The following IL36B variants were observed in gnomAD, a reference collection of about 807,000 sequenced individuals.
IL36B encodes interleukin 36 beta.
A neutral mutation model predicts 19.3 loss-of-function variants in IL36B; 23 were observed. The observed-to-expected ratio is 1.19, with a 90% CI of 0.86 to 1.69. The LOEUF (loss-of-function observed/expected upper bound fraction) is 1.69, where lower values mean the gene tolerates loss of function less well. Among genes scored for constraint, IL36B ranks in the 40% most tolerant of loss-of-function variants. The probability of loss-of-function intolerance (pLI) is 0.00; values close to 1 mark genes in which losing one functional copy is unlikely to be tolerated. For missense variants in IL36B, 217 were observed against 200.5 expected (o/e 1.08, Z -0.50); for synonymous variants, 59 against 59.7 (o/e 0.99, Z 0.05).
At position 113,029,041 on chromosome 2, in the gene IL36B, G is replaced by A; in HGVS notation, c.159C>T (p.Phe53=). 6.2e-7 allele frequency: 1 copy of A among 1,613,680 alleles called. No homozygotes were observed. Among genetic ancestry groups the A allele is most frequent in the Middle Eastern group, 1.7e-4 (1 of 6,060 alleles). The change falls in exon 4 of 6, where the codon TTC becomes TTT. Residue 53 remains phenylalanine (F), a synonymous_variant. Transcript: ENST00000259213. ...CCATATTACCCTTTTCCTTGTCACTGAATTCTGTGTCTCTACAGGCTATTA... is the reference window on the plus strand; with the variant it reads ...CCATATTACCCTTTTCCTTGTCACTAAATTCTGTGTCTCTACAGGCTATTA...
In IL36B at chr2:113,046,935, G is replaced by A. The variant is rs142492170; in HGVS notation, c.-58+5882C>T. ...CCCACACTTAGAGCCTGAAGGTTATGTTGTAATTTCTTGAGAGTTGGATAG... is the reference window on the plus strand; with the variant it reads ...CCCACACTTAGAGCCTGAAGGTTATATTGTAATTTCTTGAGAGTTGGATAG... On this transcript the variant is annotated intron_variant, in intron 1 of 5. Transcript: ENST00000259213. 5.2e-3 allele frequency among the ~76,000 whole-genome samples: 799 copies of A among 152,296 alleles called. 9 individuals carry two copies. Among genetic ancestry groups the A allele is most frequent in the Non-Finnish European group, 8.4e-3 (569 of 68,024 alleles).
chr2:113,042,601 T>G (rs1685279400), intron 1 of IL36B, among the ~76,000 whole-genome samples: 1 of 152,242 alleles, frequency 6.6e-6, no homozygotes, highest in Non-Finnish European at 1.5e-5. Flanking sequence ...ATAATTGATT[T>G]TGTCTGGCTT....
At chr2:113,038,388 G>T (rs1329586968) in intron 1 of IL36B, among the ~76,000 whole-genome samples, 1 of 152,224 alleles carries the variant, frequency 6.6e-6, no homozygotes, top group Non-Finnish European at 1.5e-5. Context: ...TTTCTGTGAA[G>T]ATAGATGAGC....
intron 4 of IL36B, among the ~76,000 whole-genome samples, chr2:113,028,715 G>A (rs1484525006): frequency 1.3e-5 from 2 of 152,166 alleles, no homozygotes; most frequent in Non-Finnish European, 2.9e-5. Context: ...ATTCCTGTAA[G>A]TGTATTTTCT....
intron 3 of IL36B, among the ~76,000 whole-genome samples, chr2:113,030,386 A>C (rs34322254): frequency 0.051 from 7,757 of 152,252 alleles, 661 homozygotes; most frequent in African/African-American, 0.18. Context: ...GGGGAGTAGG[A>C]AGAGTAATCC....
intron 1 of IL36B, among the ~76,000 whole-genome samples, chr2:113,041,175 A>G (rs2105052795): frequency 6.6e-6 from 1 of 152,036 alleles, no homozygotes; most frequent in Non-Finnish European, 1.5e-5. Context: ...AAAAAGGAAG[A>G]AGAAAGGAAA....
chr2:113,029,908 G>C (rs34098499), intron 3 of IL36B, among the ~76,000 whole-genome samples: 3 of 152,162 alleles, frequency 2.0e-5, no homozygotes, highest in Non-Finnish European at 4.4e-5. Context: ...AGAGGAGCCA[G>C]CAAACCTCAT....
intron 2 of IL36B, 118 bp downstream of exon 2, chr2:113,031,579 G>C: frequency 1.1e-6 from 1 of 896,198 alleles, no homozygotes; most frequent in African/African-American, 1.7e-5. Context: ...GGAACTGAGT[G>C]TTTTAGCAAG....
intron 1 of IL36B, among the ~76,000 whole-genome samples, chr2:113,045,767 A>G (rs929262979): frequency 6.6e-6 from 1 of 152,226 alleles, no homozygotes; most frequent in African/African-American, 2.4e-5. Flanking sequence ...TGTATATTTC[A>G]TTCCAGACAT....
chr2:113,033,798 A>G (rs1304032230), intron 1 of IL36B, among the ~76,000 whole-genome samples: 1 of 152,176 alleles, frequency 6.6e-6, no homozygotes, highest in African/African-American at 2.4e-5. Context: ...AGAGGAGAGG[A>G]GAGAACTTGG....
intron 5 of IL36B, among the ~76,000 whole-genome samples, chr2:113,024,512 T>C (rs539576926): frequency 1.3e-5 from 2 of 152,320 alleles, no homozygotes; most frequent in South Asian, 4.1e-4. Context: ...TGTCATCCCG[T>C]GCCTTCTCCT....
At chr2:113,024,511 G>C in intron 5 of IL36B, among the ~76,000 whole-genome samples, 1 of 152,248 alleles carries the variant, frequency 6.6e-6, no homozygotes, top group Non-Finnish European at 1.5e-5. Context: ...CTGTCATCCC[G>C]TGCCTTCTCC....
At chr2:113,040,255 T>G (rs935374858) in intron 1 of IL36B, among the ~76,000 whole-genome samples, 1 of 152,176 alleles carries the variant, frequency 6.6e-6, no homozygotes, top group Non-Finnish European at 1.5e-5. Context: ...AGAAGAAAAC[T>G]TCAACATGTT....
chr2:113,031,506 C>G (rs1326700146), intron 2 of IL36B, among the ~76,000 whole-genome samples, 191 bp downstream of exon 2: 1 of 152,066 alleles, frequency 6.6e-6, no homozygotes, highest in Non-Finnish European at 1.5e-5. Flanking sequence ...AATAAACAAG[C>G]AATTCTAAAT....
chr2:113,032,004 C>T (rs1296302169), intron 1 of IL36B, among the ~76,000 whole-genome samples: 1 of 152,056 alleles, frequency 6.6e-6, no homozygotes, highest in Non-Finnish European at 1.5e-5. Flanking sequence ...CTGTGATGGT[C>T]TTGGTATGCT....
chr2:113,037,620 A>G (rs4848312), intron 1 of IL36B, among the ~76,000 whole-genome samples: 118,411 of 151,242 alleles, frequency 0.78, 47,236 homozygotes, highest in East Asian at 0.94. Flanking sequence ...CTGCACTCCA[A>G]CCTGGGCAAC....
chr2:113,023,392 G>T (rs1363751078), intron 5 of IL36B, among the ~76,000 whole-genome samples: 1 of 152,194 alleles, frequency 6.6e-6, no homozygotes, highest in African/African-American at 2.4e-5. Flanking sequence ...TTTGGCCTTG[G>T]TCAGTTAGAT....
intron 3 of IL36B, 72 bp from the exon 4 acceptor site, chr2:113,029,150 T>G: frequency 6.8e-7 from 1 of 1,469,350 alleles, no homozygotes; most frequent in East Asian, 2.3e-5. Flanking sequence ...TCCCCCCAGG[T>G]AGGGAATAGT....
Position 113,035,457 on chromosome 2 carries a change from T to A in IL36B, c.-57-3691A>T, listed in dbSNP as rs36100241. On this transcript the variant is annotated intron_variant, in intron 1 of 5. Coordinates refer to ENST00000259213, the MANE Select transcript of IL36B (RefSeq NM_014438.5). ...CCTAACATCTCAGCACTGGTAGGGGTACATGATCCATTCGCCTATGCCCAC... is the reference window on the plus strand; with the variant it reads ...CCTAACATCTCAGCACTGGTAGGGGAACATGATCCATTCGCCTATGCCCAC... 3.7e-3 allele frequency among the ~76,000 whole-genome samples: 560 copies of A among 151,822 alleles called. 4 individuals are homozygous for A. The highest frequency in any genetic ancestry group is 0.013 in the African/African-American group (529 of 41,380).
Sources: allele counts gnomAD v4.1 joint callset (sites outside exome capture counted in the v4.1 genomes callset), GRCh38; gene constraint gnomAD v4.1.1; transcripts MANE v1.5; gene names NCBI Gene and HGNC (gene_info 2026-07-23, HGNC 2026-07-21).